Variants in PHACTR1 observed in about 807,000 individuals in gnomAD.
PHACTR1 encodes phosphatase and actin regulator 1.
In PHACTR1, 16 loss-of-function variants were observed where a neutral mutation model predicts 69.2. That is an observed-to-expected ratio of 0.23 (90% CI 0.16 to 0.35). The LOEUF (loss-of-function observed/expected upper bound fraction) is 0.35, where lower values mean the gene tolerates loss of function less well. PHACTR1 is among the 10% of genes least tolerant of loss of function. The pLI, the probability that PHACTR1 is intolerant of heterozygous loss-of-function variation, is 1.00. For missense variants in PHACTR1, 510 were observed against 734.7 expected (o/e 0.69, Z 3.54); for synonymous variants, 312 against 284.5 (o/e 1.10, Z -0.97).
intron 5 of PHACTR1, among the ~76,000 whole-genome samples, chr6:13,096,726 T>C (rs1046221628): frequency 6.6e-6 from 1 of 152,188 alleles, no homozygotes; most frequent in Non-Finnish European, 1.5e-5. Flanking sequence ...GTCAGCATAG[T>C]GACAAATTTA....
At chr6:13,106,591 A>T (rs1182754499) in intron 5 of PHACTR1, among the ~76,000 whole-genome samples, 1 of 151,810 alleles carries the variant, frequency 6.6e-6, no homozygotes, top group African/African-American at 2.4e-5. Context: ...AATCCTCCCA[A>T]CTCAGCCTCC....
intron 6 of PHACTR1, among the ~76,000 whole-genome samples, chr6:13,171,246 C>A (rs1293781731): frequency 1.4e-5 from 2 of 147,076 alleles, no homozygotes; most frequent in East Asian, 4.4e-4. Flanking sequence ...GCCATGTGTG[C>A]CTCTGTAGTT....
At chr6:12,952,364 T>C (rs368595837) in intron 4 of PHACTR1, among the ~76,000 whole-genome samples, 38 of 152,194 alleles carry the variant, frequency 2.5e-4, no homozygotes, top group African/African-American at 8.7e-4. Context: ...TTCCCTGCCC[T>C]AAAAATCCTC....
chr6:12,929,135 G>C (rs1430439170), intron 4 of PHACTR1, among the ~76,000 whole-genome samples: 2 of 152,196 alleles, frequency 1.3e-5, no homozygotes, highest in African/African-American at 2.4e-5. Flanking sequence ...GCCAATGCAT[G>C]ATCAACTGGC....
chr6:13,141,941 T>C (rs1822553729), intron 5 of PHACTR1, among the ~76,000 whole-genome samples: 1 of 152,146 alleles, frequency 6.6e-6, no homozygotes, highest in Non-Finnish European at 1.5e-5. Flanking sequence ...ATTTTTATCA[T>C]TAAGTGATAA....
At chr6:12,798,575 A>G (rs1581798883) in intron 4 of PHACTR1, among the ~76,000 whole-genome samples, 1 of 152,240 alleles carries the variant, frequency 6.6e-6, no homozygotes, top group Admixed American at 6.5e-5. Flanking sequence ...ATTTAAAGTC[A>G]GTGCCCGGGT....
chr6:12,887,264 A>G (rs904664418), intron 4 of PHACTR1, among the ~76,000 whole-genome samples: 1 of 152,196 alleles, frequency 6.6e-6, no homozygotes, highest in Admixed American at 6.5e-5. Flanking sequence ...ATGCACCAAA[A>G]GGAAGAATGG....
At chr6:13,247,638 G>A (rs182345627) in intron 10 of PHACTR1, among the ~76,000 whole-genome samples, 90 of 152,092 alleles carry the variant, frequency 5.9e-4, no homozygotes, top group Non-Finnish European at 1.1e-3. Flanking sequence ...GAGCCACCGT[G>A]CCCAGCCCAA....
At chr6:13,182,187 C>CATGCA (rs951384120) in intron 6 of PHACTR1, among the ~76,000 whole-genome samples, 1 of 152,152 alleles carries the variant, frequency 6.6e-6, no homozygotes, top group Non-Finnish European at 1.5e-5. Context: ...GAGCCAAGAT[C>CATGCA]ATGCCATTGC....
intron 4 of PHACTR1, among the ~76,000 whole-genome samples, chr6:12,843,439 GA>G (rs1778896046): frequency 3.3e-5 from 5 of 152,312 alleles, no homozygotes; most frequent in Admixed American, 2.6e-4. Flanking sequence ...AGAGCCCAGA[GA>G]GTGGAAAATA....
intron 4 of PHACTR1, among the ~76,000 whole-genome samples, chr6:12,954,778 T>G (rs1791681531): frequency 6.6e-6 from 1 of 152,260 alleles, no homozygotes; most frequent in South Asian, 2.1e-4. Flanking sequence ...CCACTTGAAT[T>G]ATGCCATAGG....
chr6:12,941,568 C>T (rs866892716), intron 4 of PHACTR1, among the ~76,000 whole-genome samples: 11 of 152,208 alleles, frequency 7.2e-5, no homozygotes, highest in Admixed American at 1.3e-4. Context: ...ACCTCTCACT[C>T]GCCACTTCCT....
rs61143569 is a variant in PHACTR1, at chr6:13,131,178, TACACAC to T, written c.416-29016_416-29011del. Among the ~76,000 whole-genome samples the T allele has an allele frequency of 4.2e-5, 4 of 94,584 alleles. No individual in the cohort carries two copies. The South Asian group carries it at 8.9e-4, about 21-fold the overall frequency. 62.1% of individuals were successfully genotyped at this position (94,584 alleles called of 152,430 possible). A position where few individuals can be genotyped will look rare whatever the true frequency, so the allele number is the denominator to read the frequency against. On this transcript the variant is annotated intron_variant, in intron 5 of 14. Transcript: ENST00000332995. Reference sequence around the variant, plus strand: ...ATATATGTATATATATGTGTGTATATACACACACACACACATATATATATACACATA... The same window carrying T: ...ATATATGTATATATATGTGTGTATATACACACACATATATATATACACATA...
chr6:12,777,716 A>G (rs1391236415), intron 4 of PHACTR1, among the ~76,000 whole-genome samples: 1 of 138,050 alleles, frequency 7.2e-6, no homozygotes, highest in Non-Finnish European at 1.5e-5. Flanking sequence ...ACTGCAACCT[A>G]TGCCTCCCAG....
chr6:13,155,851 G>C (rs897711101), intron 5 of PHACTR1, among the ~76,000 whole-genome samples: 1 of 151,564 alleles, frequency 6.6e-6, no homozygotes, highest in East Asian at 1.9e-4. Context: ...CCATGCCTCT[G>C]CACTCCAGCC....
rs79743199 is a variant in PHACTR1 at position 12,874,084 on chromosome 6, A to G, written c.250+124294A>G. The stretch of plus-strand genomic sequence containing the variant: ...GTTCTCAAACTTTAATGTGCATACA[A>G]ATCACCTAGGAATCTTGTTTAAATG... On this transcript the variant is annotated intron_variant, in intron 4 of 14. Transcript: ENST00000332995. Among the ~76,000 whole-genome samples, 566 of 152,344 alleles carry G rather than the reference A, an allele frequency of 3.7e-3. 2 individuals carry two copies. Among genetic ancestry groups the G allele is most frequent in the African/African-American group, 0.013 (535 of 41,578 alleles).
chr6:13,145,718 A>G (rs995207225), intron 5 of PHACTR1, among the ~76,000 whole-genome samples: 36 of 152,328 alleles, frequency 2.4e-4, no homozygotes, highest in African/African-American at 7.5e-4. Flanking sequence ...CCTCGTGAAC[A>G]CACAGCAAGA....
At chr6:12,751,010 G>C in intron 4 of PHACTR1, among the ~76,000 whole-genome samples, 1 of 152,180 alleles carries the variant, frequency 6.6e-6, no homozygotes, top group Non-Finnish European at 1.5e-5. Flanking sequence ...GCGTGCGCGT[G>C]CATGGTGCAT....
At chr6:13,064,233 C>T (rs1808137282) in intron 5 of PHACTR1, among the ~76,000 whole-genome samples, 1 of 151,914 alleles carries the variant, frequency 6.6e-6, no homozygotes, top group Non-Finnish European at 1.5e-5. Context: ...GAACTGAAGA[C>T]TGTGAACAGA....
Sources: allele counts gnomAD v4.1 joint callset (sites outside exome capture counted in the v4.1 genomes callset), GRCh38; gene constraint gnomAD v4.1.1; transcripts MANE v1.5; gene names NCBI Gene and HGNC (gene_info 2026-07-23, HGNC 2026-07-21).